The following TCF12 variants were observed in gnomAD, a reference collection of about 807,000 sequenced individuals.
TCF12 encodes the protein DNA-binding protein HTF4.
TCF12 carries 45 observed loss-of-function variants against 86.0 expected under a neutral mutation model. The ratio of observed to expected loss-of-function variants is 0.52; its 90% CI spans 0.41 to 0.67. The LOEUF (loss-of-function observed/expected upper bound fraction) is 0.67. TCF12 is among the 30% of genes least tolerant of loss of function. TCF12 has a pLI of 0.00. For synonymous variants in TCF12, 330 were observed against 299.6 expected, an observed-to-expected ratio of 1.10 and a Z score of -1.05; for missense variants, 881 against 859.9, an observed-to-expected ratio of 1.02 and a Z score of -0.31.
intron 5 of TCF12, among the ~76,000 whole-genome samples, chr15:57,146,743 G>A (rs1403587213): frequency 6.6e-6 from 1 of 152,160 alleles, no homozygotes; most frequent in Non-Finnish European, 1.5e-5. Context: ...AATCAACTGA[G>A]CTTTCAGATT....
intron 11 of TCF12, 80 bp from the exon 12 acceptor site, chr15:57,233,963 A>G (rs2059276900): frequency 2.7e-6 from 3 of 1,104,804 alleles, no homozygotes; most frequent in African/African-American, 1.5e-5. Flanking sequence ...GATAGAGAAC[A>G]CCCTTGGAAT....
At chr15:57,163,056 C>T (rs1381808080) in intron 5 of TCF12, among the ~76,000 whole-genome samples, 1 of 152,000 alleles carries the variant, frequency 6.6e-6, no homozygotes, top group Admixed American at 6.6e-5. Flanking sequence ...CCCCTGTAGT[C>T]CCAGCTACTT....
At chr15:57,202,640 A>G (rs539762642) in intron 8 of TCF12, among the ~76,000 whole-genome samples, 215 of 151,738 alleles carry the variant, frequency 1.4e-3, no homozygotes, top group African/African-American at 5.0e-3. Flanking sequence ...TTTCACCGCT[A>G]TAGCCAGGAT....
intron 1 of TCF12, chr15:56,919,140 C>A (rs1425867157): frequency 1.3e-5 from 2 of 151,478 alleles, no homozygotes; most frequent in East Asian, 2.0e-4. Flanking sequence ...GCGCCCCGTT[C>A]GGTGCCCGAC....
chr15:57,211,979 C>CCACACACACA (rs58113866), intron 8 of TCF12, among the ~76,000 whole-genome samples: 1 of 83,698 alleles, frequency 1.2e-5, no homozygotes, highest in African/African-American at 2.9e-5. Context: ...CACACACACA[C>CCACACACACA]CACACACACA....
chr15:57,090,444 GA>G (rs1433578469), intron 4 of TCF12, among the ~76,000 whole-genome samples: 1 of 152,162 alleles, frequency 6.6e-6, no homozygotes, highest in Non-Finnish European at 1.5e-5. Context: ...ATGTAAAAAT[GA>G]AACAAAGATT....
intron 4 of TCF12, among the ~76,000 whole-genome samples, chr15:57,084,693 A>G (rs1433578386): frequency 6.6e-6 from 1 of 152,188 alleles, no homozygotes; most frequent in Non-Finnish European, 1.5e-5. Context: ...CTTTTAAAAG[A>G]TACTATCTAG....
chr15:56,963,802 G>A (rs555336211), intron 3 of TCF12, among the ~76,000 whole-genome samples: 1 of 152,162 alleles, frequency 6.6e-6, no homozygotes, highest in Non-Finnish European at 1.5e-5. Context: ...GTTGTGCTAG[G>A]CTATGCCCTG....
chr15:57,146,025 T>G (rs1462920919), intron 5 of TCF12, among the ~76,000 whole-genome samples: 1 of 152,200 alleles, frequency 6.6e-6, no homozygotes, highest in Non-Finnish European at 1.5e-5. Context: ...TTGAGTGGAG[T>G]TAAAAAACAT....
chr15:57,104,136 C>G (rs1466488140), intron 5 of TCF12, among the ~76,000 whole-genome samples: 1 of 151,568 alleles, frequency 6.6e-6, no homozygotes, highest in Non-Finnish European at 1.5e-5. Flanking sequence ...TAAAGAATAT[C>G]AAAAAGTTAA....
chr15:57,253,157 A>G (rs1279594633), intron 15 of TCF12, 105 bp from the exon 16 acceptor site: 8 of 1,267,448 alleles, frequency 6.3e-6, no homozygotes, highest in East Asian at 2.4e-5. Context: ...TTGATACTGC[A>G]TTTCACTTGC....
At chr15:57,029,530 G>A (rs1160712764) in intron 3 of TCF12, among the ~76,000 whole-genome samples, 1 of 152,122 alleles carries the variant, frequency 6.6e-6, no homozygotes, top group East Asian at 1.9e-4. Context: ...TTGGAGAAAA[G>A]TATACTTTGT....
rs552704499 is a variant in TCF12, at chr15:57,132,578, G to A, written c.326-33824G>A. On this transcript the variant is annotated intron_variant, in intron 5 of 20. Transcript: ENST00000333725. ...GGAATCTAAGGACCTTTAAGGTGCCGAATTGCCCTCTGAATTATCAAAGAA... is the reference window on the plus strand; with the variant it reads ...GGAATCTAAGGACCTTTAAGGTGCCAAATTGCCCTCTGAATTATCAAAGAA... 3.3e-5 allele frequency among the ~76,000 whole-genome samples: 5 copies of A among 152,318 alleles called. 1 individual carries two copies. In the East Asian group the frequency reaches 7.7e-4, roughly 23 times the overall value.
chr15:57,181,013 A>G (rs2056311335), intron 6 of TCF12, among the ~76,000 whole-genome samples: 2 of 151,456 alleles, frequency 1.3e-5, no homozygotes, highest in East Asian at 2.0e-4. Context: ...ACAGGGTTTC[A>G]CTGTGTTAGC....
chr15:56,985,082 A>G (rs1255259070), intron 3 of TCF12, among the ~76,000 whole-genome samples: 1 of 152,180 alleles, frequency 6.6e-6, no homozygotes, highest in African/African-American at 2.4e-5. Flanking sequence ...TATATATCAA[A>G]ATGTTCAGTA....
At chr15:57,047,329 G>A (rs899373569) in intron 3 of TCF12, among the ~76,000 whole-genome samples, 30 of 152,214 alleles carry the variant, frequency 2.0e-4, no homozygotes, top group African/African-American at 7.2e-4. Flanking sequence ...TTCAAGGTTA[G>A]CAAAGGGAAG....
intron 3 of TCF12, among the ~76,000 whole-genome samples, chr15:56,954,304 A>G (rs1418887972): frequency 1.3e-5 from 2 of 152,182 alleles, no homozygotes; most frequent in Admixed American, 6.6e-5. Flanking sequence ...AACCTGACAA[A>G]AACAAGAAAT....
chr15:57,222,227 GT>G (rs200716679), intron 8 of TCF12, among the ~76,000 whole-genome samples: 83 of 143,788 alleles, frequency 5.8e-4, no homozygotes, highest in East Asian at 8.1e-4. Flanking sequence ...CTTTTTTCCA[GT>G]TTTTTTTTTT....
intron 8 of TCF12, among the ~76,000 whole-genome samples, chr15:57,207,610 G>A (rs570599966): frequency 7.2e-4 from 110 of 152,268 alleles, no homozygotes; most frequent in African/African-American, 2.6e-3. Flanking sequence ...GGTGGAGGTT[G>A]CAGTGAGCCG....
Sources: allele counts gnomAD v4.1 joint callset (sites outside exome capture counted in the v4.1 genomes callset), GRCh38; gene constraint gnomAD v4.1.1; transcripts MANE v1.5; gene names NCBI Gene and HGNC (gene_info 2026-07-23, HGNC 2026-07-21).